Variants in RAB11FIP1 observed in about 807,000 individuals in gnomAD.
The protein encoded by RAB11FIP1 is rab11 family-interacting protein 1.
RAB11FIP1 carries 49 observed loss-of-function variants against 83.1 expected under a neutral mutation model. The ratio of observed to expected loss-of-function variants is 0.59; its 90% CI spans 0.47 to 0.75. RAB11FIP1 has a LOEUF of 0.75. Among genes scored for constraint, RAB11FIP1 ranks in the 30% least tolerant of loss-of-function variants. The probability of loss-of-function intolerance (pLI) is 0.00; values close to 1 mark genes in which losing one functional copy is unlikely to be tolerated. For missense variants in RAB11FIP1, 1,536 were observed against 1,598.7 expected (o/e 0.96, Z 0.67); for synonymous variants, 670 against 656.0 (o/e 1.02, Z -0.33).
chr8:37,899,190 G>A lies in RAB11FIP1; in HGVS notation c.252C>T (p.Ala84=). 2 of 1,564,430 alleles carry A rather than the reference G, an allele frequency of 1.3e-6. No individual in the cohort carries two copies. Among genetic ancestry groups the A allele is most frequent in the Non-Finnish European group, 1.7e-6 (2 of 1,163,100 alleles). ...GCACGGTGAGCTGCAGGGTGGCGGC[G>A]GCCGCGGGTCCGGAGGACAGCAGCG... ...LPSLLSSGPA[A]AATLQLTVLH... Residue 84 remains alanine (A), a synonymous_variant, in exon 1 of 6, where the codon GCC becomes GCT. Coordinates refer to ENST00000330843, the MANE Select transcript of RAB11FIP1 (RefSeq NM_001002814.3). The surrounding 1 kb of genome is among the most constrained non-coding windows in gnomAD (Gnocchi z 4.5).
Position 37,871,505 on chromosome 8 carries a change from G to C in RAB11FIP1, c.3297C>G (p.Ser1099=). The C allele has an allele frequency of 6.2e-7, 1 of 1,612,914 alleles. No homozygotes were observed. The change falls in exon 4 of 6, where the codon TCC becomes TCG. Residue 1099 remains serine (S), a synonymous_variant. Coordinates refer to ENST00000330843, the MANE Select transcript of RAB11FIP1 (RefSeq NM_001002814.3). ...TSLDNPVPSP[S]PSEIFPVTHS... is the part of the protein sequence containing the mutation. ...GTGTGACAGGAAAGATCTCAGAAGG[G>C]GAGGGGCTGGGTACAGGATTGTCCA...
chr8:37,884,918 C>A (rs182304157), intron 1 of RAB11FIP1, among the ~76,000 whole-genome samples: 225 of 151,976 alleles, frequency 1.5e-3, no homozygotes, highest in African/African-American at 5.3e-3. Flanking sequence ...CCTGGCCACA[C>A]AGAATCCTCT....
At chr8:37,870,343 G>T in intron 5 of RAB11FIP1, 77 bp downstream of exon 5, 1 of 783,682 alleles carries the variant, frequency 1.3e-6, no homozygotes, top group Non-Finnish European at 2.2e-6. Flanking sequence ...TGCCCAGGGA[G>T]AGGTATACGA....
At chr8:37,891,076 G>C (rs906062987) in intron 1 of RAB11FIP1, among the ~76,000 whole-genome samples, 5 of 152,188 alleles carry the variant, frequency 3.3e-5, no homozygotes, top group Non-Finnish European at 5.9e-5. Context: ...ACAGGGCAAA[G>C]TCAGGCTTGG....
chr8:37,883,790 C>T (rs972524849), intron 1 of RAB11FIP1, among the ~76,000 whole-genome samples: 2 of 152,138 alleles, frequency 1.3e-5, no homozygotes, highest in African/African-American at 2.4e-5. Context: ...TTATCTTTCA[C>T]GTAGGCCCTG....
intron 5 of RAB11FIP1, among the ~76,000 whole-genome samples, chr8:37,868,607 G>A (rs1252405786): frequency 1.3e-5 from 2 of 152,072 alleles, no homozygotes; most frequent in Non-Finnish European, 2.9e-5. Context: ...ATATATCCTT[G>A]CCCACTAAAG....
At chr8:37,877,939 C>T (rs1437277321) in intron 1 of RAB11FIP1, 4 of 158,844 alleles carry the variant, frequency 2.5e-5, no homozygotes, top group Admixed American at 1.9e-4. Flanking sequence ...AGGCTGGACT[C>T]GAACTCCTGA....
In RAB11FIP1 at chr8:37,888,470, T is replaced by TA. The variant is rs552561572; in HGVS notation, c.371+10600dup. On this transcript the variant is annotated intron_variant, in intron 1 of 5. Transcript: ENST00000330843. ...AACCATGATCAGTGTGTACTTTCTT[T>TA]AAAAAAAAAAATGTATTTGTTTTCA... Among the ~76,000 whole-genome samples the TA allele has an allele frequency of 6.9e-3, 1,028 of 147,920 alleles. 12 individuals carry two copies. The highest frequency in any genetic ancestry group is 0.028 in the Middle Eastern group (8 of 282).
At chr8:37,870,562 C>T (rs1251062919) in intron 4 of RAB11FIP1, 34 bp from the exon 5 acceptor site, 2 of 1,200,098 alleles carry the variant, frequency 1.7e-6, no homozygotes, top group East Asian at 4.8e-5. Flanking sequence ...TTTAGACCCT[C>T]CGGTCATGGC....
rs1807169777 is a variant in RAB11FIP1 at position 37,899,336 on chromosome 8, C to T, written c.106G>A (p.Gly36Arg). The change falls in exon 1 of 6, where the codon GGG becomes AGG. Residue 36 changes from glycine (G) to arginine (R), a missense_variant. Coordinates refer to ENST00000330843, the MANE Select transcript of RAB11FIP1 (RefSeq NM_001002814.3). This position sits in a 1 kb window ranked among gnomAD's most constrained non-coding sequence, Gnocchi z 4.5. ...ACCGCGTACGCGTCGCTCGTGCCCCCGGGGCCCTTGGCCCGCAGGCCCCGC... is the reference window on the plus strand; with the variant it reads ...ACCGCGTACGCGTCGCTCGTGCCCCTGGGGCCCTTGGCCCGCAGGCCCCGC... ...QARGLRAKGP[G>R]GTSDAYAVIQ... 8.7e-6 allele frequency: 14 copies of T among 1,608,776 alleles called. No homozygotes were observed. The highest frequency in any genetic ancestry group is 2.2e-5 in the East Asian group (1 of 44,612).
rs200481041 is a variant in RAB11FIP1 at position 37,871,528 on chromosome 8, C to G, written c.3274G>C (p.Asp1092His). 176 of 1,606,430 alleles carry G rather than the reference C, an allele frequency of 1.1e-4. 1 individual carries two copies. In the East Asian group the frequency reaches 2.6e-3, roughly 23 times the overall value. Reference protein sequence around the residue: ...SPSPPPGTSLDNPVPSPSPSE... With the variant: ...SPSPPPGTSLHNPVPSPSPSE... ...GGGGAGGGGCTGGGTACAGGATTGT[C>G]CAGGGATGTGCCAGGAGGCGGGCTT... The change falls in exon 4 of 6, where the codon GAC becomes CAC. Residue 1092 changes from aspartate to histidine, a missense_variant. Physicochemically the swap from Asp to His is moderately conservative, Grantham distance 81. Coordinates refer to ENST00000330843, the MANE Select transcript of RAB11FIP1 (RefSeq NM_001002814.3).
chr8:37,862,760 C>T lies in RAB11FIP1; in HGVS notation c.*135G>A. 1.5e-6 allele frequency: 1 copy of T among 667,090 alleles called. No individual in the cohort carries two copies. The highest frequency in any genetic ancestry group is 2.6e-5 in the East Asian group (1 of 38,908). The allele number at this position is 667,090 out of a possible 1,614,324, so 41.3% of individuals were successfully genotyped here. On this transcript the variant is annotated 3_prime_UTR_variant, in exon 6 of 6. Transcript: ENST00000330843. ...ACCTGGCTTCCATTGGTAGAATTCACTCTTGCCGGATAACATGTGAGGGAG... is the reference window on the plus strand; with the variant it reads ...ACCTGGCTTCCATTGGTAGAATTCATTCTTGCCGGATAACATGTGAGGGAG...
At chr8:37,887,715 C>CACCT (rs1294946326) in intron 1 of RAB11FIP1, among the ~76,000 whole-genome samples, 3 of 152,112 alleles carry the variant, frequency 2.0e-5, no homozygotes, top group African/African-American at 7.2e-5. Flanking sequence ...TAGGAACACC[C>CACCT]ACCTCATAAG....
At chr8:37,870,570 G>T in intron 4 of RAB11FIP1, 42 bp from the exon 5 acceptor site, 1 of 1,122,832 alleles carries the variant, frequency 8.9e-7, no homozygotes, top group South Asian at 1.3e-5. Flanking sequence ...CTCCGGTCAT[G>T]GCAAAACTGA....
chr8:37,895,732 T>G (rs1208050015), intron 1 of RAB11FIP1, among the ~76,000 whole-genome samples: 1 of 152,124 alleles, frequency 6.6e-6, no homozygotes, highest in African/African-American at 2.4e-5. Flanking sequence ...TAAATGATAC[T>G]GGGGCCTTAT....
chr8:37,896,742 A>G (rs146381627), intron 1 of RAB11FIP1, among the ~76,000 whole-genome samples: 160 of 152,246 alleles, frequency 1.1e-3, no homozygotes, highest in African/African-American at 3.8e-3. Flanking sequence ...TAATCCAGGA[A>G]CCCAGAAACA....
In RAB11FIP1 at chr8:37,870,497, C is replaced by CCGTGG. The variant is rs1806431352; in HGVS notation, c.3555_3556insCCACG (p.Ala1186ProfsTer21). On this transcript the variant is annotated frameshift_variant, in exon 5 of 6. Transcript: ENST00000330843. LOFTEE classifies it high-confidence loss of function. ...AAGCTGCAGTTAGCAACCTTGGTGG[C>CCGTGG]CATTGCATTCATTGGCTTCACAGGA... The CCGTGG allele has an allele frequency of 1.2e-6, 2 of 1,601,858 alleles. No homozygotes were observed. The highest frequency in any genetic ancestry group is 1.7e-6 in the Non-Finnish European group (2 of 1,169,514).
intron 1 of RAB11FIP1, 91 bp downstream of exon 1, chr8:37,898,980 G>C: frequency 7.7e-7 from 1 of 1,293,860 alleles, no homozygotes; most frequent in South Asian, 1.7e-5. Context: ...GCTGCTGCCC[G>C]GCTTACTCTC....
intron 1 of RAB11FIP1, among the ~76,000 whole-genome samples, chr8:37,885,144 G>A (rs186617050): frequency 3.8e-4 from 57 of 151,180 alleles, no homozygotes; most frequent in East Asian, 2.8e-3. Context: ...ACAGGCATGC[G>A]CTACCACACC....
Sources: allele counts gnomAD v4.1 joint callset (sites outside exome capture counted in the v4.1 genomes callset), GRCh38; gene constraint gnomAD v4.1.1; non-coding constraint Gnocchi (gnomAD v3.1); transcripts MANE v1.5; gene names NCBI Gene and HGNC (gene_info 2026-07-23, HGNC 2026-07-21).